The following FBXL17 variants were observed in gnomAD, a reference collection of about 807,000 sequenced individuals.
The protein encoded by FBXL17 is F-box and leucine rich repeat protein 17, also known as F-box/LRR-repeat protein 17.
FBXL17 carries 22 observed loss-of-function variants against 66.2 expected under a neutral mutation model. The observed-to-expected ratio is 0.33, with a 90% CI of 0.24 to 0.47. FBXL17 has a LOEUF of 0.47. Ranked by LOEUF, FBXL17 falls within the 20% of genes least tolerant of loss-of-function variation. The pLI, the probability that FBXL17 is intolerant of heterozygous loss-of-function variation, is 1.00. For missense variants in FBXL17, 878 were observed against 948.2 expected (o/e 0.93, Z 0.97); for synonymous variants, 474 against 400.5 (o/e 1.18, Z -2.19).
At chr5:108,262,177 C>T (rs558816344) in intron 4 of FBXL17, among the ~76,000 whole-genome samples, 6 of 151,030 alleles carry the variant, frequency 4.0e-5, no homozygotes, top group Admixed American at 6.6e-5. Flanking sequence ...CCCGGGTTCA[C>T]GCCATTCTCC....
At chr5:108,142,978 T>TATAATAATAATAATAATAATAATA (rs10623997) in intron 6 of FBXL17, among the ~76,000 whole-genome samples, 3,272 of 145,036 alleles carry the variant, frequency 0.023, 57 homozygotes, top group East Asian at 0.043. Flanking sequence ...GAACATAAAG[T>TATAATAATAATAATAATAATAATA]ATAATAATAA....
intron 6 of FBXL17, among the ~76,000 whole-genome samples, chr5:108,067,968 A>G: frequency 6.6e-6 from 1 of 152,182 alleles, no homozygotes; most frequent in Admixed American, 6.5e-5. Flanking sequence ...ATCAGCACAT[A>G]TCCTCAAATT....
intron 7 of FBXL17, among the ~76,000 whole-genome samples, chr5:108,006,351 C>T (rs1304347683): frequency 6.6e-6 from 1 of 151,218 alleles, no homozygotes; most frequent in Non-Finnish European, 1.5e-5. Context: ...GTGGATTTGG[C>T]TCTACTTAAA....
chr5:108,360,408 T>C (rs1748269592), intron 3 of FBXL17, among the ~76,000 whole-genome samples: 1 of 152,260 alleles, frequency 6.6e-6, no homozygotes, highest in Non-Finnish European at 1.5e-5. Context: ...TTAAATATTG[T>C]TAGCCCACAG....
intron 4 of FBXL17, among the ~76,000 whole-genome samples, chr5:108,347,428 G>C (rs1000985150): frequency 6.6e-6 from 1 of 152,106 alleles, no homozygotes; most frequent in East Asian, 1.9e-4. Flanking sequence ...GTGCATCCTA[G>C]TGACAACTTT....
rs767588935 is a variant in FBXL17, at chr5:108,059,267, T to C, written c.1746-38266A>G. On this transcript the variant is annotated intron_variant, in intron 6 of 8. Coordinates refer to ENST00000542267, the MANE Select transcript of FBXL17 (RefSeq NM_001163315.3). ...GGTTCAGACCTGTGGTACATTATTC[T>C]AAAGGTATAGACAAGAAACAGTTCC... Among the ~76,000 whole-genome samples the C allele has an allele frequency of 1.2e-3, 177 of 152,286 alleles. 2 individuals are homozygous for C. Among genetic ancestry groups the C allele is most frequent in the Middle Eastern group, 3.4e-3 (1 of 294 alleles).
chr5:108,019,864 C>T (rs532975557), intron 7 of FBXL17, among the ~76,000 whole-genome samples: 2 of 151,832 alleles, frequency 1.3e-5, no homozygotes, highest in Non-Finnish European at 2.9e-5. Context: ...GGAAAAAACT[C>T]ACAACCCAGA....
intron 4 of FBXL17, among the ~76,000 whole-genome samples, chr5:108,297,158 G>A (rs1758381679): frequency 1.3e-5 from 2 of 151,210 alleles, no homozygotes; most frequent in African/African-American, 2.4e-5. Flanking sequence ...TCTTAACACA[G>A]GATTAAGACC....
intron 7 of FBXL17, among the ~76,000 whole-genome samples, chr5:107,923,862 A>G (rs1487393373): frequency 6.6e-6 from 1 of 151,998 alleles, no homozygotes; most frequent in Non-Finnish European, 1.5e-5. Context: ...TTTTCCTCCA[A>G]AGTGGTAATA....
At position 107,898,755 on chromosome 5, in the gene FBXL17, A is replaced by G. The variant is rs1171961070; in HGVS notation, c.1823-17576T>C. ...CTGTTCCTGTGATAGTTTGCTGAGA[A>G]GATGGTTTCCAACTTCATCCATGTC... On this transcript the variant is annotated intron_variant, in intron 7 of 8. Transcript: ENST00000542267. Among the ~76,000 whole-genome samples the G allele has an allele frequency of 2.0e-5, 3 of 152,130 alleles. No homozygotes were observed. The East Asian group carries it at 5.8e-4, about 29-fold the overall frequency.
At chr5:108,154,421 T>C in intron 6 of FBXL17, among the ~76,000 whole-genome samples, 1 of 150,176 alleles carries the variant, frequency 6.7e-6, no homozygotes, top group Admixed American at 6.6e-5. Flanking sequence ...AGAAACCCCG[T>C]CTCTACTAAA....
intron 8 of FBXL17, chr5:107,879,138 A>G: frequency 1.0e-6 from 1 of 985,402 alleles, no homozygotes; most frequent in Non-Finnish European, 1.2e-6. Context: ...TGTAACATAC[A>G]ACTTCTACAG....
chr5:108,292,733 T>C (rs1758166360), intron 4 of FBXL17, among the ~76,000 whole-genome samples: 1 of 152,208 alleles, frequency 6.6e-6, no homozygotes, highest in South Asian at 2.1e-4. Flanking sequence ...AATGTCTTTC[T>C]CCTCCTAAAT....
chr5:107,957,015 G>C (rs1751688648), intron 7 of FBXL17, among the ~76,000 whole-genome samples: 1 of 152,118 alleles, frequency 6.6e-6, no homozygotes, highest in South Asian at 2.1e-4. Flanking sequence ...TTAAAATTAG[G>C]ATGTAATTTG....
At chr5:108,188,282 G>A (rs1753321632) in intron 5 of FBXL17, among the ~76,000 whole-genome samples, 1 of 152,078 alleles carries the variant, frequency 6.6e-6, no homozygotes, top group African/African-American at 2.4e-5. Flanking sequence ...AGATAGCTGC[G>A]ACAGATAAAA....
chr5:108,333,804 G>C (rs1277466243), intron 4 of FBXL17, among the ~76,000 whole-genome samples: 1 of 151,998 alleles, frequency 6.6e-6, no homozygotes, highest in Non-Finnish European at 1.5e-5. Context: ...TGATTAGAAA[G>C]GGTTATCTTA....
At chr5:108,060,073 A>G (rs1195475419) in intron 6 of FBXL17, among the ~76,000 whole-genome samples, 2 of 150,954 alleles carry the variant, frequency 1.3e-5, no homozygotes, top group East Asian at 3.9e-4. Context: ...ACATATGAAT[A>G]TATATATTCA....
rs144496921 is a variant in FBXL17, at chr5:108,092,639, A to G, written c.1746-71638T>C. 3.5e-3 allele frequency among the ~76,000 whole-genome samples: 527 copies of G among 152,244 alleles called. 2 individuals carry two copies. Among genetic ancestry groups the G allele is most frequent in the African/African-American group, 0.012 (509 of 41,538 alleles). On this transcript the variant is annotated intron_variant, in intron 6 of 8. Coordinates refer to ENST00000542267, the MANE Select transcript of FBXL17 (RefSeq NM_001163315.3). ...CAAGTGGGTGTATCTTTATGTAAAT[A>G]TGGAATTAACAAAATTTGGAGTTGT... is the stretch of plus-strand genomic sequence containing the variant.
intron 6 of FBXL17, among the ~76,000 whole-genome samples, chr5:108,177,908 A>AAAGTATATATATAT (rs1335669725): frequency 8.5e-5 from 6 of 70,224 alleles, no homozygotes; most frequent in Non-Finnish European, 1.5e-4. Context: ...CAGAAAAAAA[A>AAAGTATATATATAT]ATGTATATAT....
Sources: allele counts gnomAD v4.1 joint callset (sites outside exome capture counted in the v4.1 genomes callset), GRCh38; gene constraint gnomAD v4.1.1; transcripts MANE v1.5; gene names NCBI Gene and HGNC (gene_info 2026-07-23, HGNC 2026-07-21).